SORCS2: variants seen among roughly 807,000 people sequenced by gnomAD.
The protein encoded by SORCS2 is sortilin related VPS10 domain containing receptor 2.
SORCS2 carries 100 observed loss-of-function variants against 141.6 expected under a neutral mutation model. That is an observed-to-expected ratio of 0.71 (90% confidence interval 0.60 to 0.83). The LOEUF (loss-of-function observed/expected upper bound fraction) is 0.83. SORCS2 is among the 40% of genes least tolerant of loss of function. The pLI is 0.00. For missense variants in SORCS2, 1,646 were observed against 1,560.2 expected, an observed-to-expected ratio of 1.05 and a Z score of -0.93; for synonymous variants, 789 against 676.9, an observed-to-expected ratio of 1.17 and a Z score of -2.57.
rs549276656 is a variant in SORCS2, at chr4:7,516,121, C to T, written c.549-15409C>T. 3.9e-5 allele frequency among the ~76,000 whole-genome samples: 6 copies of T among 152,328 alleles called. No homozygotes were observed. In the East Asian group the frequency reaches 7.7e-4, roughly 20 times the overall value. On this transcript the variant is annotated intron_variant, in intron 2 of 26. Transcript: ENST00000507866. ...TTCCACCCGCATTTACCGGTACTCA[C>T]TCCATGCTGGGCATTGGGCTGAGAG...
rs745921220 is a variant in SORCS2, at chr4:7,715,143, C to T, written c.2124-40C>T. The stretch of plus-strand genomic sequence containing the variant: ...CAACCCTGGGTGACTCCGGTTCCCA[C>T]CTGTGCCCGTCACTTACCACTACTC... On this transcript the variant is annotated intron_variant, in intron 16 of 26. Transcript: ENST00000507866. 4 of 1,607,636 alleles carry T rather than the reference C, an allele frequency of 2.5e-6. No individual in the cohort carries two copies. The African/African-American group carries it at 5.3e-5, about 21-fold the overall frequency.
intron 11 of SORCS2, among the ~76,000 whole-genome samples, chr4:7,691,947 C>T (rs533822840): frequency 6.6e-6 from 1 of 152,098 alleles, no homozygotes; most frequent in South Asian, 2.1e-4. Flanking sequence ...AGCAGCCCCC[C>T]TCACTCTGTG....
intron 14 of SORCS2, among the ~76,000 whole-genome samples, chr4:7,711,344 T>G (rs1284340982): frequency 6.6e-6 from 1 of 152,138 alleles, no homozygotes; most frequent in Non-Finnish European, 1.5e-5. Flanking sequence ...CAAAACCTCT[T>G]TCAACACCTC....
rs1284741689 is a variant in SORCS2, at chr4:7,723,750, C to T, written c.2478C>T (p.Ala826=). The change falls in exon 19 of 27, where the codon GCC becomes GCT. Residue 826 remains alanine (A), a synonymous_variant. Coordinates refer to ENST00000507866, the MANE Select transcript of SORCS2 (RefSeq NM_020777.3). ...TAGACCTTGGGGACGGCTTCAAGGC[C>T]ATGTACGTGAACCTTACACTGACCG... ...YQVDLGDGFK[A]MYVNLTLTGE... The T allele has an allele frequency of 6.2e-7, 1 of 1,613,904 alleles. No homozygotes were observed. Among genetic ancestry groups the T allele is most frequent in the Non-Finnish European group, 8.5e-7 (1 of 1,179,908 alleles).
chr4:7,238,384 A>C (rs1448816685), intron 1 of SORCS2, among the ~76,000 whole-genome samples: 1 of 152,132 alleles, frequency 6.6e-6, no homozygotes, highest in Non-Finnish European at 1.5e-5. Flanking sequence ...GCTGTTGTTA[A>C]ATTTTTTTTA....
At chr4:7,226,068 G>C (rs1479866403) in intron 1 of SORCS2, among the ~76,000 whole-genome samples, 1 of 152,180 alleles carries the variant, frequency 6.6e-6, no homozygotes, top group African/African-American at 2.4e-5. Flanking sequence ...TGGCTCCGGA[G>C]GGTCTGGACC....
intron 2 of SORCS2, among the ~76,000 whole-genome samples, chr4:7,491,443 G>A (rs1038787950): frequency 6.6e-5 from 10 of 152,318 alleles, no homozygotes; most frequent in South Asian, 4.1e-4. Flanking sequence ...CAGGTGCAGC[G>A]GCTGCACTTT....
rs113931164 is a variant in SORCS2, at chr4:7,210,341, C to A, written c.480+17215C>A. 2.5e-3 allele frequency among the ~76,000 whole-genome samples: 374 copies of A among 152,276 alleles called. 4 individuals carry two copies. Among genetic ancestry groups the A allele is most frequent in the African/African-American group, 8.3e-3 (346 of 41,564 alleles). On this transcript the variant is annotated intron_variant, in intron 1 of 26. Transcript: ENST00000507866. ...CTGTGGCTCAGGCTGGAGTGCAATG[C>A]TGCGATCTTGGCTCACTGCAGCCTC...
chr4:7,512,593 C>A (rs1381371839), intron 2 of SORCS2, among the ~76,000 whole-genome samples: 1 of 152,046 alleles, frequency 6.6e-6, no homozygotes, highest in Non-Finnish European at 1.5e-5. Context: ...CCCCCAGACT[C>A]CATCCTTAAC....
At chr4:7,280,798 G>T (rs1165517912) in intron 1 of SORCS2, among the ~76,000 whole-genome samples, 1 of 152,194 alleles carries the variant, frequency 6.6e-6, no homozygotes, top group Non-Finnish European at 1.5e-5. Context: ...GCAAGGGATG[G>T]ATGCGCTACA....
chr4:7,623,541 G>A (rs927404390), intron 3 of SORCS2, among the ~76,000 whole-genome samples: 1 of 152,042 alleles, frequency 6.6e-6, no homozygotes, highest in Non-Finnish European at 1.5e-5. Flanking sequence ...AGGAGCCGGG[G>A]GCCTTCCAAA....
rs533793319 is a variant in SORCS2, at chr4:7,727,673, G to A, written c.2870-677G>A. On this transcript the variant is annotated intron_variant, in intron 21 of 26. Transcript: ENST00000507866. The stretch of plus-strand genomic sequence containing the variant: ...TGCAAATGCCATCACCACCCTCATT[G>A]TAAGATGTTGGGTTTGCAGTCCTCA... Among the ~76,000 whole-genome samples, 43 of 152,292 alleles carry A rather than the reference G, an allele frequency of 2.8e-4. 1 individual carries two copies. Among genetic ancestry groups the A allele is most frequent in the African/African-American group, 9.4e-4 (39 of 41,550 alleles).
rs1403680984 is a variant in SORCS2 at position 7,215,499 on chromosome 4, G to A, written c.480+22373G>A. ...GCTCCCAGTCCCATCGACCACCCAA[G>A]GGCTGAGGAGTGCGAGTGCATGGCG... On this transcript the variant is annotated intron_variant, in intron 1 of 26. Coordinates refer to ENST00000507866, the MANE Select transcript of SORCS2 (RefSeq NM_020777.3). 2.0e-5 allele frequency among the ~76,000 whole-genome samples: 3 copies of A among 152,254 alleles called. No individual in the cohort carries two copies. In the South Asian group the frequency reaches 6.2e-4, roughly 32 times the overall value.
chr4:7,646,736 T>A (rs1367901588), intron 4 of SORCS2, among the ~76,000 whole-genome samples: 1 of 152,236 alleles, frequency 6.6e-6, no homozygotes, highest in Admixed American at 6.5e-5. Flanking sequence ...ACCCTGCCGA[T>A]ACCTTGATCT....
chr4:7,238,451 T>C (rs969495060), intron 1 of SORCS2, among the ~76,000 whole-genome samples: 5 of 152,324 alleles, frequency 3.3e-5, no homozygotes, highest in Non-Finnish European at 5.9e-5. Context: ...GCTAGGAAGA[T>C]GGCTGGTAGC....
intron 1 of SORCS2, among the ~76,000 whole-genome samples, chr4:7,385,802 C>T (rs1723259505): frequency 6.6e-6 from 1 of 152,234 alleles, no homozygotes; most frequent in Non-Finnish European, 1.5e-5. Flanking sequence ...ACTGCCAAGC[C>T]AGCCTTGGCC....
At chr4:7,479,820 C>G (rs1411788576) in intron 2 of SORCS2, among the ~76,000 whole-genome samples, 2 of 152,250 alleles carry the variant, frequency 1.3e-5, no homozygotes, top group East Asian at 3.8e-4. Flanking sequence ...CAGAGTCAGC[C>G]TCTCACTCTC....
In SORCS2 at chr4:7,739,908, C is replaced by CG. The variant is rs1223005672; in HGVS notation, c.3416-287dup. On this transcript the variant is annotated intron_variant, in intron 26 of 26. Transcript: ENST00000507866. ...TCTCGCACCCCCTTGCTGCCGATGC[C>CG]GGGGGCGATCCCCACGCAGGTCAGT... Among the ~76,000 whole-genome samples the CG allele has an allele frequency of 5.3e-5, 8 of 152,306 alleles. 1 individual carries two copies. In the South Asian group the frequency reaches 1.7e-3, roughly 32 times the overall value.
chr4:7,604,729 G>A (rs1717952881), intron 3 of SORCS2, among the ~76,000 whole-genome samples: 1 of 152,220 alleles, frequency 6.6e-6, no homozygotes, highest in East Asian at 1.9e-4. Context: ...GCCCAGCCAT[G>A]CAGAACTGTG....
Sources: gnomAD v4.1 joint callset for allele counts (sites outside exome capture counted in the v4.1 genomes callset) on GRCh38, gnomAD v4.1.1 for gene constraint, MANE v1.5 for transcripts, NCBI Gene and HGNC (gene_info 2026-07-23, HGNC 2026-07-21) for gene names.